MCTP2: variants seen among roughly 807,000 people sequenced by gnomAD.
MCTP2 encodes multiple C2 and transmembrane domain-containing protein 2.
MCTP2 carries 132 observed loss-of-function variants against 111.6 expected under a neutral mutation model. That is an observed-to-expected ratio of 1.18 (90% CI 1.03 to 1.37). The LOEUF is 1.37. Ranked by LOEUF, MCTP2 falls within the 40% of genes most tolerant of loss-of-function variation. The pLI is 0.00. For missense variants in MCTP2, 1,183 were observed against 1,067.9 expected, an observed-to-expected ratio of 1.11 and a Z score of -1.50; for synonymous variants, 395 against 387.7, an observed-to-expected ratio of 1.02 and a Z score of -0.22.
At chr15:94,406,776 G>T (rs2081917311) in intron 17 of MCTP2, among the ~76,000 whole-genome samples, 1 of 151,860 alleles carries the variant, frequency 6.6e-6, no homozygotes. Flanking sequence ...AGATGATGTA[G>T]AGGGATTTTC....
At chr15:94,289,705 T>C (rs1403766623) in intron 1 of MCTP2, among the ~76,000 whole-genome samples, 2 of 152,166 alleles carry the variant, frequency 1.3e-5, no homozygotes, top group African/African-American at 4.8e-5. Flanking sequence ...AGACAACTTA[T>C]GTATTATTAT....
intron 17 of MCTP2, among the ~76,000 whole-genome samples, chr15:94,435,582 A>T (rs1207068544): frequency 6.7e-6 from 1 of 149,476 alleles, no homozygotes; most frequent in Non-Finnish European, 1.5e-5. Flanking sequence ...GATTTTGTAC[A>T]TTTAAAAAAT....
chr15:94,260,421 A>G (rs2073115483), intron 1 of MCTP2, among the ~76,000 whole-genome samples: 1 of 152,170 alleles, frequency 6.6e-6, no homozygotes, highest in Admixed American at 6.5e-5. Flanking sequence ...TGACAGTGCC[A>G]ACTCTCTTCT....
chr15:94,268,266 C>T (rs1187933819), intron 1 of MCTP2, among the ~76,000 whole-genome samples: 11 of 148,494 alleles, frequency 7.4e-5, no homozygotes, highest in African/African-American at 1.5e-4. Flanking sequence ...CTGCAACCTC[C>T]GCCTCCTGGG....
intron 8 of MCTP2, chr15:94,355,872 C>T: frequency 9.9e-7 from 1 of 1,014,774 alleles, no homozygotes; most frequent in South Asian, 4.4e-5. Flanking sequence ...CCAAAGAGCG[C>T]ATCTGGGTGG....
intron 17 of MCTP2, among the ~76,000 whole-genome samples, chr15:94,435,341 T>G (rs965418410): frequency 6.6e-6 from 1 of 152,204 alleles, no homozygotes; most frequent in Non-Finnish European, 1.5e-5. Context: ...TTAATAATCT[T>G]TCATAGTTTC....
rs552233013 is a variant in MCTP2 at position 94,244,114 on chromosome 15, G to T, written c.-66+12450G>T. Reference sequence around the variant, plus strand: ...TGTATACACATACATATGTGTATATGTTTATATACACATGTATACACATGC... The same window carrying T: ...TGTATACACATACATATGTGTATATTTTTATATACACATGTATACACATGC... On this transcript the variant is annotated intron_variant, in intron 1 of 22. Coordinates refer to ENST00000357742, the MANE Select transcript of MCTP2 (RefSeq NM_001385001.1). Among the ~76,000 whole-genome samples, 13 of 141,808 alleles carry T rather than the reference G, an allele frequency of 9.2e-5. No individual in the cohort carries two copies. In the South Asian group the frequency reaches 2.9e-3, roughly 32 times the overall value. The allele number at this position is 141,808 out of a possible 152,430, so 93.0% of individuals were successfully genotyped here.
chr15:94,370,105 A>C lies in MCTP2; in HGVS notation c.1507A>C (p.Lys503Gln). ...TQRYCLQNSL[K>Q]DVKDVGILQV... The stretch of plus-strand genomic sequence containing the variant: ...CCCTCAGTGCTTACAGAACTCCCTG[A>C]AAGATGTGAAAGACGTCGGCATTCT... Residue 503 changes from lysine (K) to glutamine (Q), a missense_variant, in exon 12 of 23, where the codon AAA becomes CAA. Lys to Gln is a moderately conservative substitution (Grantham distance 53). Transcript: ENST00000357742. 1 of 1,612,486 alleles carries C rather than the reference A, an allele frequency of 6.2e-7. No homozygotes were observed. Among genetic ancestry groups the C allele is most frequent in the Non-Finnish European group, 8.5e-7 (1 of 1,179,282 alleles).
intron 2 of MCTP2, among the ~76,000 whole-genome samples, chr15:94,306,536 G>C (rs1335531744): frequency 6.6e-6 from 1 of 152,086 alleles, no homozygotes; most frequent in East Asian, 1.9e-4. Context: ...CTCAGATCTG[G>C]AGATAAAAAA....
chr15:94,402,570 C>T lies in MCTP2; in HGVS notation c.2085+551C>T, dbSNP rs887023536. On this transcript the variant is annotated intron_variant, in intron 17 of 22. Transcript: ENST00000357742. Reference sequence around the variant, plus strand: ...CCCATCCTTATGAGCATAATAAAATCGCAGAATCAAAGCGCTGCAAGAGAT... The same window carrying T: ...CCCATCCTTATGAGCATAATAAAATTGCAGAATCAAAGCGCTGCAAGAGAT... 8 of 1,551,520 alleles carry T rather than the reference C, an allele frequency of 5.2e-6. No individual in the cohort carries two copies. In the East Asian group the frequency reaches 7.3e-5, roughly 14 times the overall value.
intron 14 of MCTP2, among the ~76,000 whole-genome samples, chr15:94,390,049 CATAT>C (rs1169783409): frequency 0.069 from 7,515 of 109,164 alleles, 383 homozygotes; most frequent in East Asian, 0.14. Context: ...ATGTTCAAGG[CATAT>C]ATATATATAT....
intron 16 of MCTP2, 144 bp from the exon 17 acceptor site, chr15:94,401,756 G>T (rs1439258151): frequency 2.3e-5 from 12 of 515,256 alleles, no homozygotes; most frequent in Non-Finnish European, 3.2e-5. Context: ...TTTTAGAAGT[G>T]TCAGGTCTTC....
Position 94,340,832 on chromosome 15 carries a change from A to T in MCTP2, c.877A>T (p.Lys293Ter), listed in dbSNP as rs753668900. The change falls in exon 7 of 23, where the codon AAA becomes TAA. Residue 293 changes from lysine (K) to a stop codon, truncating the protein, a stop_gained. Transcript: ENST00000357742. LOFTEE classifies it high-confidence loss of function. The part of the protein sequence containing the change: ...ELNRTTEHIL[K>*]LEDPNSLEDD... ...TTGTAGAACAACTGAACATATTTTA[A>T]AACTGGAAGATCCAAACAGTTTAGA... is the stretch of plus-strand genomic sequence containing the variant. 3.7e-6 allele frequency: 6 copies of T among 1,610,570 alleles called. No homozygotes were observed. In the South Asian group the frequency reaches 5.5e-5, roughly 15 times the overall value.
chr15:94,237,087 T>A (rs951705960), intron 1 of MCTP2, among the ~76,000 whole-genome samples: 3 of 151,956 alleles, frequency 2.0e-5, no homozygotes, highest in Admixed American at 2.0e-4. Flanking sequence ...GGACACTGAG[T>A]CTGAGATGTT....
At chr15:94,468,801 G>A (rs996093310) in intron 20 of MCTP2, among the ~76,000 whole-genome samples, 1 of 151,982 alleles carries the variant, frequency 6.6e-6, no homozygotes, top group African/African-American at 2.4e-5. Context: ...GCTAATTTTT[G>A]TATTTTAGTA....
chr15:94,347,899 CAT>C (rs2078070360), intron 8 of MCTP2, among the ~76,000 whole-genome samples: 1 of 125,212 alleles, frequency 8.0e-6, no homozygotes, highest in South Asian at 2.5e-4. Flanking sequence ...CACACACAGA[CAT>C]ACACACACAC....
chr15:94,246,200 C>G (rs2071993040), intron 1 of MCTP2, among the ~76,000 whole-genome samples: 1 of 152,078 alleles, frequency 6.6e-6, no homozygotes, highest in Admixed American at 6.6e-5. Context: ...CCGTCACCTA[C>G]AGGAAATGAG....
At chr15:94,386,232 C>T (rs12907045) in intron 14 of MCTP2, among the ~76,000 whole-genome samples, 6,688 of 152,206 alleles carry the variant, frequency 0.044, 273 homozygotes, top group African/African-American at 0.091. Context: ...ATGTACCAAA[C>T]ATACTCTTTG....
intron 17 of MCTP2, among the ~76,000 whole-genome samples, chr15:94,419,620 G>C (rs552586597): frequency 2.0e-5 from 3 of 152,040 alleles, no homozygotes; most frequent in Admixed American, 2.0e-4. Context: ...GATTTCTTCC[G>C]AAAGTGTAGA....
Sources: gnomAD v4.1 joint callset for allele counts (sites outside exome capture counted in the v4.1 genomes callset) on GRCh38, gnomAD v4.1.1 for gene constraint, MANE v1.5 for transcripts, NCBI Gene and HGNC (gene_info 2026-07-23, HGNC 2026-07-21) for gene names.